The following KHDRBS2 variants were observed in gnomAD, a reference collection of about 807,000 sequenced individuals.
KHDRBS2 encodes KH RNA binding domain containing, signal transduction associated 2, also known as KH domain-containing, RNA-binding, signal transduction-associated protein 2.
In KHDRBS2, 26 loss-of-function variants were observed where a neutral mutation model predicts 44.3. The observed-to-expected ratio is 0.59, with a 90% CI of 0.43 to 0.81. The LOEUF is 0.81. Among genes scored for constraint, KHDRBS2 ranks in the 40% least tolerant of loss-of-function variants. KHDRBS2 has a pLI of 0.00. For synonymous variants in KHDRBS2, 194 were observed against 151.1 expected (o/e 1.28, Z -2.08); for missense variants, 476 against 433.1 (o/e 1.10, Z -0.88).
At chr6:61,777,313 C>T (rs1479026189) in intron 6 of KHDRBS2, among the ~76,000 whole-genome samples, 1 of 151,516 alleles carries the variant, frequency 6.6e-6, no homozygotes, top group Non-Finnish European at 1.5e-5. Context: ...AAAAAAATTC[C>T]ACTGGGTCTA....
At chr6:61,996,030 A>G (rs1777101093) in intron 3 of KHDRBS2, among the ~76,000 whole-genome samples, 1 of 152,226 alleles carries the variant, frequency 6.6e-6, no homozygotes, top group Non-Finnish European at 1.5e-5. Context: ...AAAAAGGAAA[A>G]GAGACAAAGA....
At chr6:61,849,282 A>G (rs1795103261) in intron 6 of KHDRBS2, among the ~76,000 whole-genome samples, 1 of 152,124 alleles carries the variant, frequency 6.6e-6, no homozygotes, top group Non-Finnish European at 1.5e-5. Flanking sequence ...TTAATTAGTT[A>G]AATAGAATTC....
chr6:62,051,417 T>A (rs1789018331), intron 2 of KHDRBS2, among the ~76,000 whole-genome samples: 1 of 152,170 alleles, frequency 6.6e-6, no homozygotes, highest in East Asian at 1.9e-4. Context: ...TTCTTTTGCA[T>A]ATAGAAATCC....
intron 2 of KHDRBS2, among the ~76,000 whole-genome samples, chr6:62,070,466 T>C (rs371833600): frequency 7.9e-5 from 12 of 152,086 alleles, no homozygotes; most frequent in African/African-American, 2.9e-4. Flanking sequence ...ATTAGGTATA[T>C]CTCCTAATGC....
intron 1 of KHDRBS2, among the ~76,000 whole-genome samples, chr6:62,264,445 G>A (rs1048286623): frequency 2.0e-5 from 3 of 151,636 alleles, no homozygotes; most frequent in Non-Finnish European, 4.4e-5. Flanking sequence ...AATTTAAACA[G>A]AAAGCCAGTT....
chr6:61,781,706 T>C (rs1440900360), intron 6 of KHDRBS2, among the ~76,000 whole-genome samples: 1 of 152,132 alleles, frequency 6.6e-6, no homozygotes, highest in Non-Finnish European at 1.5e-5. Flanking sequence ...CCAAATAGAA[T>C]AATGTACATT....
intron 6 of KHDRBS2, among the ~76,000 whole-genome samples, chr6:61,855,538 T>A (rs1796035235): frequency 6.6e-6 from 1 of 151,800 alleles, no homozygotes; most frequent in South Asian, 2.1e-4. Flanking sequence ...TAGAACTACA[T>A]CTCTTTGGTA....
intron 2 of KHDRBS2, among the ~76,000 whole-genome samples, chr6:62,119,401 A>G (rs145852591): frequency 5.7e-4 from 87 of 152,332 alleles, no homozygotes; most frequent in African/African-American, 2.0e-3. Context: ...TCATGGTTCC[A>G]GAAGCACAAA....
chr6:61,815,753 G>A (rs1788818956), intron 6 of KHDRBS2, among the ~76,000 whole-genome samples: 1 of 152,118 alleles, frequency 6.6e-6, no homozygotes, highest in Admixed American at 6.6e-5. Flanking sequence ...AAATGATCCT[G>A]GACACTGCTT....
At chr6:62,097,093 C>T (rs1278390089) in intron 2 of KHDRBS2, among the ~76,000 whole-genome samples, 2 of 151,478 alleles carry the variant, frequency 1.3e-5, no homozygotes, top group African/African-American at 4.8e-5. Context: ...AGAAAAGATA[C>T]CTGATATAAT....
At chr6:61,782,531 C>T (rs1249310391) in intron 6 of KHDRBS2, among the ~76,000 whole-genome samples, 1 of 151,592 alleles carries the variant, frequency 6.6e-6, no homozygotes, top group Non-Finnish European at 1.5e-5. Context: ...AATTAAAGTA[C>T]TTTCTTCTAT....
At chr6:61,892,700 T>C (rs1266897475) in intron 6 of KHDRBS2, among the ~76,000 whole-genome samples, 3 of 152,214 alleles carry the variant, frequency 2.0e-5, no homozygotes, top group Non-Finnish European at 4.4e-5. Context: ...GCTAGCCATA[T>C]GTAGAAAGCT....
At chr6:62,237,563 T>G (rs761490022) in intron 1 of KHDRBS2, among the ~76,000 whole-genome samples, 15 of 152,136 alleles carry the variant, frequency 9.9e-5, no homozygotes, top group Non-Finnish European at 1.9e-4. Flanking sequence ...TCTGAACACT[T>G]TAGAAGATAG....
intron 3 of KHDRBS2, among the ~76,000 whole-genome samples, chr6:62,003,792 A>T (rs1053522570): frequency 3.3e-5 from 5 of 152,188 alleles, no homozygotes; most frequent in Admixed American, 1.3e-4. Flanking sequence ...CAAATGTAAA[A>T]GATCAGAAAT....
chr6:62,169,218 T>TAC (rs1367961362), intron 2 of KHDRBS2, among the ~76,000 whole-genome samples: 1 of 148,218 alleles, frequency 6.7e-6, no homozygotes, highest in East Asian at 2.0e-4. Context: ...TATGTATATA[T>TAC]ACACACACAC....
intron 3 of KHDRBS2, among the ~76,000 whole-genome samples, chr6:62,023,352 T>C (rs905258194): frequency 3.3e-5 from 5 of 151,694 alleles, no homozygotes; most frequent in South Asian, 2.1e-4. Flanking sequence ...GTAGGTTCCA[T>C]GGTCAAATGG....
At chr6:61,646,104 T>A in the KHDRBS2 span, among the ~76,000 whole-genome samples, 1 of 152,148 alleles carries the variant, frequency 6.6e-6, no homozygotes, top group African/African-American at 2.4e-5. Flanking sequence ...ATTAAACGAG[T>A]CAGTCCATAT....
intron 2 of KHDRBS2, among the ~76,000 whole-genome samples, chr6:62,163,731 C>T (rs563805690): frequency 2.6e-5 from 4 of 152,042 alleles, no homozygotes; most frequent in Admixed American, 2.0e-4. Context: ...AATGTTAACA[C>T]GATCATTAAT....
chr6:61,581,216 A>T, the KHDRBS2 span, among the ~76,000 whole-genome samples: 1 of 151,892 alleles, frequency 6.6e-6, no homozygotes, highest in Non-Finnish European at 1.5e-5. Context: ...ATTGCCATGC[A>T]AATGTGCATG....
Sources: allele counts gnomAD v4.1 joint callset (sites outside exome capture counted in the v4.1 genomes callset), GRCh38; gene constraint gnomAD v4.1.1; transcripts MANE v1.5; gene names NCBI Gene and HGNC (gene_info 2026-07-23, HGNC 2026-07-21).